Variants in SPATA6 observed in about 807,000 individuals in gnomAD.
SPATA6 encodes the protein spermatogenesis associated 6, also known as spermatogenesis-associated protein 6.
SPATA6 carries 56 observed loss-of-function variants against 65.3 expected under a neutral mutation model. The observed-to-expected ratio is 0.86, with a 90% CI of 0.69 to 1.07. The LOEUF is 1.07. SPATA6 is among the 50% of genes least tolerant of loss of function. The pLI is 0.00. For missense variants in SPATA6, 590 were observed against 594.8 expected (o/e 0.99, Z 0.08); for synonymous variants, 199 against 213.2 (o/e 0.93, Z 0.58).
At chr1:48,380,479 G>C (rs1648435996) in intron 9 of SPATA6, among the ~76,000 whole-genome samples, 1 of 152,054 alleles carries the variant, frequency 6.6e-6, no homozygotes, top group Non-Finnish European at 1.5e-5. Flanking sequence ...TGGAAAAGAG[G>C]GCTCTTAATA....
intron 9 of SPATA6, among the ~76,000 whole-genome samples, chr1:48,373,139 T>C (rs1237833514): frequency 7.2e-5 from 11 of 152,358 alleles, no homozygotes; most frequent in East Asian, 5.8e-4. Flanking sequence ...TTCTATCGCA[T>C]AGTCAGGCTA....
At chr1:48,392,215 C>T (rs1019752284) in intron 8 of SPATA6, among the ~76,000 whole-genome samples, 3 of 151,932 alleles carry the variant, frequency 2.0e-5, no homozygotes, top group African/African-American at 7.3e-5. Context: ...ATATTACGAT[C>T]TTATATAGAA....
In SPATA6 at chr1:48,467,350, CA is replaced by C. The variant is rs1403022804; in HGVS notation, c.51+4607del. Among the ~76,000 whole-genome samples the C allele has an allele frequency of 2.6e-5, 4 of 151,898 alleles. No homozygotes were observed. In the East Asian group the frequency reaches 7.7e-4, roughly 29 times the overall value. Reference sequence around the variant, plus strand: ...GAATGAGATTGCAACTTTCAACAGGCAATCAAAGATAACACCTAGTTTCCAG... The same window carrying C: ...GAATGAGATTGCAACTTTCAACAGGCATCAAAGATAACACCTAGTTTCCAG... On this transcript the variant is annotated intron_variant, in intron 1 of 12. Transcript: ENST00000371847.
chr1:48,303,248 A>C (rs78259397), intron 12 of SPATA6, among the ~76,000 whole-genome samples: 14,933 of 152,202 alleles, frequency 0.098, 886 homozygotes, highest in South Asian at 0.17. Context: ...ATATCACCTC[A>C]AACATTTATC....
At chr1:48,409,650 ATCT>A (rs1652031648) in intron 5 of SPATA6, among the ~76,000 whole-genome samples, 1 of 152,202 alleles carries the variant, frequency 6.6e-6, no homozygotes, top group Non-Finnish European at 1.5e-5. Context: ...GTTTCCACAC[ATCT>A]TCTGAAATCT....
chr1:48,374,651 G>A (rs1647679068), intron 9 of SPATA6, among the ~76,000 whole-genome samples: 2 of 152,136 alleles, frequency 1.3e-5, no homozygotes, highest in African/African-American at 4.8e-5. Context: ...CCAAACAACA[G>A]ATTCTGAATC....
intron 11 of SPATA6, among the ~76,000 whole-genome samples, chr1:48,313,375 G>C (rs977041430): frequency 3.3e-4 from 51 of 152,310 alleles, no homozygotes; most frequent in African/African-American, 1.2e-3. Context: ...CCAGAAGAGA[G>C]TGGGGGCCAA....
chr1:48,470,697 C>T (rs989991897), intron 1 of SPATA6, among the ~76,000 whole-genome samples: 6 of 151,952 alleles, frequency 3.9e-5, no homozygotes, highest in Admixed American at 1.3e-4. Context: ...CTCATTCTAA[C>T]GTGACGAAGG....
downstream of SPATA6, among the ~76,000 whole-genome samples, chr1:48,290,912 C>T (rs548471793): frequency 1.3e-5 from 2 of 152,078 alleles, no homozygotes; most frequent in South Asian, 2.1e-4. Flanking sequence ...ACTTTAACAC[C>T]CCACTGTCAA....
chr1:48,335,527 C>A (rs1000251206), intron 11 of SPATA6, among the ~76,000 whole-genome samples: 3 of 152,048 alleles, frequency 2.0e-5, no homozygotes, highest in African/African-American at 7.2e-5. Context: ...CTGACAACAA[C>A]AAGCAATGGG....
chr1:48,312,264 C>T (rs2148669771), intron 11 of SPATA6, among the ~76,000 whole-genome samples: 1 of 152,314 alleles, frequency 6.6e-6, no homozygotes, highest in South Asian at 2.1e-4. Context: ...GGACAGACTA[C>T]CTCCTCAAGT....
chr1:48,298,822 T>C lies in SPATA6; in HGVS notation c.1358A>G (p.Tyr453Cys), dbSNP rs1232838386. The stretch of plus-strand genomic sequence containing the variant: ...GATGGGTCGGTGGGATTTTCCCTTA[T>C]AAGAGGCTGCCCTGTTGGACCAGTA... ...GEYWSNRAAS[Y>C]KGKSHRPIFE... The change falls in exon 13 of 13, where the codon TAT becomes TGT. Residue 453 changes from tyrosine to cysteine, a missense_variant. By Grantham distance (194) the Tyr-to-Cys change is radical. Coordinates refer to ENST00000371847, the MANE Select transcript of SPATA6 (RefSeq NM_019073.4). 1.2e-6 allele frequency: 2 copies of C among 1,613,930 alleles called. No homozygotes were observed. The highest frequency in any genetic ancestry group is 1.7e-6 in the Non-Finnish European group (2 of 1,179,950).
intron 3 of SPATA6, among the ~76,000 whole-genome samples, chr1:48,419,387 A>C (rs1653107499): frequency 6.6e-6 from 1 of 152,260 alleles, no homozygotes; most frequent in Admixed American, 6.5e-5. Context: ...AGAATAAAGA[A>C]ATAAGACAGT....
intron 9 of SPATA6, among the ~76,000 whole-genome samples, chr1:48,373,524 C>T (rs1257688167): frequency 6.6e-6 from 1 of 152,192 alleles, no homozygotes; most frequent in Non-Finnish European, 1.5e-5. Context: ...CCAACCTCTG[C>T]CTGTTACCCA....
chr1:48,286,468 G>T, the SPATA6 span, among the ~76,000 whole-genome samples: 2 of 152,002 alleles, frequency 1.3e-5, no homozygotes, highest in Non-Finnish European at 2.9e-5. Context: ...TCAGATAGTT[G>T]TTAGGGTATA....
chr1:48,362,476 G>A (rs1646844352), intron 9 of SPATA6, among the ~76,000 whole-genome samples: 2 of 151,900 alleles, frequency 1.3e-5, no homozygotes, highest in Admixed American at 1.3e-4. Flanking sequence ...GCCTTTTATA[G>A]GTGACTACCA....
At chr1:48,458,158 A>C (rs1289074321) in intron 1 of SPATA6, among the ~76,000 whole-genome samples, 2 of 152,086 alleles carry the variant, frequency 1.3e-5, no homozygotes, top group Non-Finnish European at 2.9e-5. Flanking sequence ...CACACTAAAA[A>C]ATAATTAACA....
intron 9 of SPATA6, among the ~76,000 whole-genome samples, chr1:48,379,729 C>A (rs550191157): frequency 6.6e-6 from 1 of 152,228 alleles, no homozygotes; most frequent in Non-Finnish European, 1.5e-5. Flanking sequence ...TTGCATATAT[C>A]TTATGCTCTT....
At chr1:48,341,377 A>C (rs541921850) in intron 11 of SPATA6, among the ~76,000 whole-genome samples, 3 of 152,200 alleles carry the variant, frequency 2.0e-5, no homozygotes, top group South Asian at 2.1e-4. Context: ...GCATGATAAA[A>C]TCTTATGCTG....
Sources: gnomAD v4.1 joint callset for allele counts (sites outside exome capture counted in the v4.1 genomes callset) on GRCh38, gnomAD v4.1.1 for gene constraint, MANE v1.5 for transcripts, NCBI Gene and HGNC (gene_info 2026-07-23, HGNC 2026-07-21) for gene names.